PIK3R5: variants seen among roughly 807,000 people sequenced by gnomAD.
PIK3R5 encodes phosphoinositide-3-kinase regulatory subunit 5, also known as phosphoinositide 3-kinase regulatory subunit 5.
A neutral mutation model predicts 94.9 loss-of-function variants in PIK3R5; 32 were observed. That is an observed-to-expected ratio of 0.34 (90% CI 0.25 to 0.45). The LOEUF (loss-of-function observed/expected upper bound fraction) is 0.45, where lower values mean the gene tolerates loss of function less well. Among genes scored for constraint, PIK3R5 ranks in the 20% least tolerant of loss-of-function variants. The pLI is 1.00. For synonymous variants in PIK3R5, 443 were observed against 479.4 expected (o/e 0.92, Z 0.99); for missense variants, 853 against 1,144.6 (o/e 0.75, Z 3.68).
intron 1 of PIK3R5, among the ~76,000 whole-genome samples, chr17:8,922,089 C>A (rs1272274614): frequency 2.0e-5 from 3 of 148,280 alleles, no homozygotes; most frequent in Non-Finnish European, 4.5e-5. Context: ...ACAAACCACC[C>A]GATTTGTTCA....
chr17:8,959,504 T>A (rs2091522861), intron 1 of PIK3R5, among the ~76,000 whole-genome samples: 1 of 152,184 alleles, frequency 6.6e-6, no homozygotes, highest in Non-Finnish European at 1.5e-5. Context: ...TTCGCTTTCA[T>A]CAGTTTTTCA....
At chr17:8,949,337 C>T (rs1037078712) in intron 1 of PIK3R5, among the ~76,000 whole-genome samples, 12 of 152,210 alleles carry the variant, frequency 7.9e-5, no homozygotes, top group East Asian at 5.8e-4. Context: ...AGGTAGATTG[C>T]GGGGAAAGGG....
At position 8,881,132 on chromosome 17, in the gene PIK3R5, G is replaced by A. The variant is rs563795332; in HGVS notation, c.2383-115C>T. ...CTTCTAGGGGTGTGGGAGGGCAGGG[G>A]TTTGTCTGACTGCGCTCCAGGGTTA... On this transcript the variant is annotated intron_variant, in intron 17 of 18. Coordinates refer to ENST00000447110, the MANE Select transcript of PIK3R5 (RefSeq NM_001142633.3). This position sits in a 1 kb window ranked among gnomAD's most constrained non-coding sequence, Gnocchi z 4.8. 21 of 804,204 alleles carry A rather than the reference G, an allele frequency of 2.6e-5. No individual in the cohort carries two copies. The highest frequency in any genetic ancestry group is 4.0e-5 in the Non-Finnish European group (19 of 469,984). The allele number at this position is 804,204 out of a possible 1,614,324, so 49.8% of individuals were successfully genotyped here. A position where few individuals can be genotyped will look rare whatever the true frequency, so the allele number is the denominator to read the frequency against.
rs374437977 is a variant in PIK3R5, at chr17:8,964,390, CAAT to C, written c.-14+1203_-14+1205del. On this transcript the variant is annotated intron_variant, in intron 1 of 18. Coordinates refer to ENST00000447110, the MANE Select transcript of PIK3R5 (RefSeq NM_001142633.3). ...TGAGTGACAGAGCAAGACCCTGTCT[CAAT>C]AATAATAATAATAATAATTCCACAC... Among the ~76,000 whole-genome samples the C allele has an allele frequency of 7.3e-5, 11 of 151,636 alleles. No individual in the cohort carries two copies. The South Asian group carries it at 1.7e-3, about 23-fold the overall frequency.
In PIK3R5 at chr17:8,882,685, C is replaced by G. The variant is rs950249009; in HGVS notation, c.2206-804G>C. ...GTCCCGACCCAAACTCAAGCTCTTC[C>G]CCAACTGGACCCCGGCCTCTTCCTG... On this transcript the variant is annotated intron_variant, in intron 15 of 18. Transcript: ENST00000447110. This position sits in a 1 kb window ranked among gnomAD's most constrained non-coding sequence, Gnocchi z 4.1. Among the ~76,000 whole-genome samples the G allele has an allele frequency of 6.6e-6, 1 of 152,154 alleles. No individual in the cohort carries two copies. Among genetic ancestry groups the G allele is most frequent in the Non-Finnish European group, 1.5e-5 (1 of 68,022 alleles).
intron 1 of PIK3R5, among the ~76,000 whole-genome samples, chr17:8,961,025 C>A (rs1472505858): frequency 1.3e-5 from 2 of 152,068 alleles, no homozygotes; most frequent in African/African-American, 4.8e-5. Flanking sequence ...TAGGCCTGGG[C>A]GGTCAGTGCT....
In PIK3R5 at chr17:8,924,889, C is replaced by T. The variant is rs369996411; in HGVS notation, c.-13-13382G>A. Among the ~76,000 whole-genome samples, 229 of 152,286 alleles carry T rather than the reference C, an allele frequency of 1.5e-3. 1 individual carries two copies. Among genetic ancestry groups the T allele is most frequent in the African/African-American group, 5.0e-3 (207 of 41,546 alleles). The stretch of plus-strand genomic sequence containing the variant: ...AAACAAACGCTGATGTCAAGAGTCC[C>T]GTTTAGCCCAGTCTAGAACTCTCTA... On this transcript the variant is annotated intron_variant, in intron 1 of 18. Coordinates refer to ENST00000447110, the MANE Select transcript of PIK3R5 (RefSeq NM_001142633.3).
chr17:8,939,731 C>T (rs1192158866), intron 1 of PIK3R5, among the ~76,000 whole-genome samples: 3 of 152,190 alleles, frequency 2.0e-5, no homozygotes, highest in Admixed American at 2.0e-4. Flanking sequence ...TCCAAGTTCA[C>T]GGATGCCTGG....
intron 1 of PIK3R5, among the ~76,000 whole-genome samples, chr17:8,954,937 CA>C (rs4065024): frequency 0.72 from 72,879 of 101,030 alleles, 25,320 homozygotes; most frequent in Non-Finnish European, 0.78. Context: ...AACTCCGTCT[CA>C]AAAAAAAAAA....
Position 8,887,565 on chromosome 17 carries a change from T to A in PIK3R5, c.1735A>T (p.Thr579Ser). 1.2e-6 allele frequency: 2 copies of A among 1,608,454 alleles called. No individual in the cohort carries two copies. The highest frequency in any genetic ancestry group is 2.2e-5 in the South Asian group (2 of 89,892). ...GGGGAGTCTGTCGGGGGTGAGGGCG[T>A]CTGGCTCCGAGGGGGTGGACAGGCA... ...PGACPPPRSQTPSPPTDSPRH... is the reference protein window; with the variant it reads ...PGACPPPRSQSPSPPTDSPRH... The change falls in exon 11 of 19, where the codon ACG (threonine) becomes TCG (serine). Residue 579 changes from threonine (T) to serine (S), a missense_variant. By Grantham distance (58) the Thr-to-Ser change is moderately conservative. This residue lies in a region of PIK3R5 where 319 missense variants were observed against 339.8 expected (regional missense o/e 0.94). Transcript: ENST00000447110.
Position 8,911,522 on chromosome 17 carries a change from G to C in PIK3R5, c.-13-15C>G, listed in dbSNP as rs1295817771. Reference sequence around the variant, plus strand: ...TGGGTCATCGCCTGCATGGGGGACAGACGCCGGTCAGCTTGTCGAGCTCCT... The same window carrying C: ...TGGGTCATCGCCTGCATGGGGGACACACGCCGGTCAGCTTGTCGAGCTCCT... On this transcript the variant is annotated splice_polypyrimidine_tract_variant and intron_variant, in intron 1 of 18. Coordinates refer to ENST00000447110, the MANE Select transcript of PIK3R5 (RefSeq NM_001142633.3). This position sits in a 1 kb window ranked among gnomAD's most constrained non-coding sequence, Gnocchi z 5.3. 6.5e-7 allele frequency: 1 copy of C among 1,538,874 alleles called. No individual in the cohort carries two copies. Among genetic ancestry groups the C allele is most frequent in the Non-Finnish European group, 8.9e-7 (1 of 1,126,874 alleles).
chr17:8,947,448 G>A (rs953139995), intron 1 of PIK3R5, among the ~76,000 whole-genome samples: 8 of 152,144 alleles, frequency 5.3e-5, no homozygotes, highest in Admixed American at 1.3e-4. Context: ...AGTCAGACGC[G>A]AGTCATAGAC....
chr17:8,936,053 C>CA (rs746258155), intron 1 of PIK3R5, among the ~76,000 whole-genome samples: 2,957 of 63,746 alleles, frequency 0.046, 109 homozygotes, highest in African/African-American at 0.13. Flanking sequence ...GACTCCATCT[C>CA]AAAAAAAAAA....
Position 8,904,698 on chromosome 17 carries a change from C to CA in PIK3R5, c.412+78dup, listed in dbSNP as rs1410239449. On this transcript the variant is annotated intron_variant, in intron 5 of 18. Transcript: ENST00000447110. The surrounding 1 kb of genome is among the most constrained non-coding windows in gnomAD (Gnocchi z 5.1). ...AAAGGATGCAAGGTAAGGAGGGTCA[C>CA]AAAAAACAGTTTCAGAGGAGTTGGA... The CA allele has an allele frequency of 2.0e-6, 3 of 1,484,988 alleles. No individual in the cohort carries two copies. The highest frequency in any genetic ancestry group is 2.8e-6 in the Non-Finnish European group (3 of 1,079,056). The allele number at this position is 1,484,988 out of a possible 1,614,324, so 92.0% of individuals were successfully genotyped here. A position where few individuals can be genotyped will look rare whatever the true frequency, so the allele number is the denominator to read the frequency against.
chr17:8,918,879 G>A (rs1362549404), intron 1 of PIK3R5, among the ~76,000 whole-genome samples: 1 of 152,182 alleles, frequency 6.6e-6, no homozygotes, highest in African/African-American at 2.4e-5. Context: ...AGAAGGGAAG[G>A]ACACGTCACT....
rs2091053397 is a variant in PIK3R5, at chr17:8,935,311, C to G, written c.-13-23804G>C. Among the ~76,000 whole-genome samples the G allele has an allele frequency of 6.6e-6, 1 of 152,154 alleles. No individual in the cohort carries two copies. ...TACATGAGTGTGCAAACGAAAGCCC[C>G]GCCCAAATATAGGCCCATGATGTTA... is the stretch of plus-strand genomic sequence containing the variant. On this transcript the variant is annotated intron_variant, in intron 1 of 18. Transcript: ENST00000447110. The surrounding 1 kb of genome is among the most constrained non-coding windows in gnomAD (Gnocchi z 4.5).
At position 8,880,894 on chromosome 17, in the gene PIK3R5, C is replaced by T. The variant is rs1482402060; in HGVS notation, c.2495+11G>A. ...GAAACTGCTCCCCTCCCTAGGACCC[C>T]CCTTTCCTACCTGACTACACTCTGC... is the stretch of plus-strand genomic sequence containing the variant. On this transcript the variant is annotated intron_variant, in intron 18 of 18. Coordinates refer to ENST00000447110, the MANE Select transcript of PIK3R5 (RefSeq NM_001142633.3). 1 of 1,613,270 alleles carries T rather than the reference C, an allele frequency of 6.2e-7. No homozygotes were observed.
Position 8,892,993 on chromosome 17 carries a change from AAATAG to A in PIK3R5, c.482+588_482+592del, listed in dbSNP as rs2090062692. 2.0e-5 allele frequency among the ~76,000 whole-genome samples: 3 copies of A among 152,196 alleles called. No homozygotes were observed. The South Asian group carries it at 6.2e-4, about 32-fold the overall frequency. On this transcript the variant is annotated intron_variant, in intron 6 of 18. Transcript: ENST00000447110. The surrounding 1 kb of genome is among the most constrained non-coding windows in gnomAD (Gnocchi z 4.3). The stretch of plus-strand genomic sequence containing the variant: ...GGGAGCCAAATTTGTTTCTTAAATG[AAATAG>A]AATAGAACAGAGCTCATCCTATGTA...
rs754380975 is a variant in PIK3R5 at position 8,881,622 on chromosome 17, G to A, written c.2382+8C>T. 1.5e-5 allele frequency: 24 copies of A among 1,607,556 alleles called. No individual in the cohort carries two copies. Among genetic ancestry groups the A allele is most frequent in the Non-Finnish European group, 2.0e-5 (24 of 1,176,068 alleles). ...AGGGTATGGCTGGAAGGAGAGGGAAGCCCGTACCTGGTTAAAGCCCTTCTT... is the reference window on the plus strand; with the variant it reads ...AGGGTATGGCTGGAAGGAGAGGGAAACCCGTACCTGGTTAAAGCCCTTCTT... On this transcript the variant is annotated splice_region_variant and intron_variant, in intron 17 of 18. Transcript: ENST00000447110. The surrounding 1 kb of genome is among the most constrained non-coding windows in gnomAD (Gnocchi z 4.8).
Sources: allele counts gnomAD v4.1 joint callset (sites outside exome capture counted in the v4.1 genomes callset), GRCh38; gene constraint gnomAD v4.1.1; regional missense constraint gnomAD v4.1.1; non-coding constraint Gnocchi (gnomAD v3.1); transcripts MANE v1.5; gene names NCBI Gene and HGNC (gene_info 2026-07-23, HGNC 2026-07-21).